The following FOCAD variants were observed in gnomAD, a reference collection of about 807,000 sequenced individuals.
FOCAD encodes focadhesin.
FOCAD carries 198 observed loss-of-function variants against 225.6 expected under a neutral mutation model. The observed-to-expected ratio is 0.88, with a 90% CI of 0.78 to 0.99. The LOEUF is 0.99. Ranked by LOEUF, FOCAD falls within the 50% of genes least tolerant of loss-of-function variation. The pLI, the probability that FOCAD is intolerant of heterozygous loss-of-function variation, is 0.00. For synonymous variants in FOCAD, 897 were observed against 755.0 expected (o/e 1.19, Z -3.08); for missense variants, 2,713 against 2,123.6 (o/e 1.28, Z -5.46).
intron 35 of FOCAD, among the ~76,000 whole-genome samples, chr9:20,971,948 T>C (rs1839801866): frequency 6.6e-6 from 1 of 152,182 alleles, no homozygotes; most frequent in African/African-American, 2.4e-5. Flanking sequence ...TAAGACTGAA[T>C]AATGTTCCAT....
intron 35 of FOCAD, among the ~76,000 whole-genome samples, chr9:20,960,812 C>T (rs943010573): frequency 2.8e-5 from 4 of 145,160 alleles, no homozygotes; most frequent in Non-Finnish European, 4.5e-5. Context: ...TCTCATTATT[C>T]AATTCCCACC....
intron 10 of FOCAD, among the ~76,000 whole-genome samples, chr9:20,788,596 G>T (rs921327648): frequency 6.6e-6 from 1 of 151,526 alleles, no homozygotes; most frequent in Non-Finnish European, 1.5e-5. Context: ...GAGATTTCCA[G>T]TCTGTCACAA....
intron 2 of FOCAD, among the ~76,000 whole-genome samples, chr9:20,676,832 T>C (rs768352346): frequency 5.9e-5 from 9 of 152,066 alleles, no homozygotes; most frequent in Non-Finnish European, 1.0e-4. Flanking sequence ...GATCTACAGA[T>C]TCAATACAAT....
chr9:20,822,965 C>G, intron 14 of FOCAD, 24 bp from the exon 15 acceptor site: 1 of 1,559,324 alleles, frequency 6.4e-7, no homozygotes, highest in Non-Finnish European at 8.6e-7. Context: ...ATTAATTTTG[C>G]TTTTAAACTT....
intron 21 of FOCAD, among the ~76,000 whole-genome samples, chr9:20,889,915 G>C (rs1044854290): frequency 1.9e-4 from 29 of 151,902 alleles, no homozygotes; most frequent in Non-Finnish European, 7.4e-5. Context: ...ATAAATCTTG[G>C]ACATATTTTG....
chr9:20,897,763 G>C (rs1437939397), intron 21 of FOCAD, among the ~76,000 whole-genome samples: 1 of 151,516 alleles, frequency 6.6e-6, no homozygotes, highest in Non-Finnish European at 1.5e-5. Flanking sequence ...TTAACAAGCT[G>C]TTATCTGTTA....
chr9:20,986,985 C>T lies in FOCAD; in HGVS notation c.4906+520C>T, dbSNP rs182884440. Reference sequence around the variant, plus strand: ...GATGCAATTTTTAGACCGTTTTAGACGTTATGCTTTAATAATTACTGAATA... The same window carrying T: ...GATGCAATTTTTAGACCGTTTTAGATGTTATGCTTTAATAATTACTGAATA... On this transcript the variant is annotated intron_variant, in intron 40 of 43. Coordinates refer to ENST00000338382, the MANE Select transcript of FOCAD (RefSeq NM_001375567.1). Among the ~76,000 whole-genome samples, 557 of 152,222 alleles carry T rather than the reference C, an allele frequency of 3.7e-3. 5 individuals carry two copies. Among genetic ancestry groups the T allele is most frequent in the African/African-American group, 0.013 (528 of 41,530 alleles).
intron 21 of FOCAD, among the ~76,000 whole-genome samples, chr9:20,900,371 G>C (rs915263627): frequency 6.6e-6 from 1 of 151,572 alleles, no homozygotes; most frequent in Non-Finnish European, 1.5e-5. Context: ...TGGCAGCTCT[G>C]TTCTAAATAA....
rs373622066 is a variant in FOCAD, at chr9:20,948,122, A to C, written c.3676-149A>C. On this transcript the variant is annotated intron_variant, in intron 30 of 43. Transcript: ENST00000338382. The stretch of plus-strand genomic sequence containing the variant: ...ATTAAAAAAAAACAAAAAACAAAAA[A>C]ACACTTAAGTCTGATTTTTCATATG... 5.3e-6 allele frequency: 4 copies of C among 749,264 alleles called. No homozygotes were observed. In the Admixed American group the frequency reaches 1.1e-4, roughly 20 times the overall value. 46.4% of individuals were successfully genotyped at this position (749,264 alleles called of 1,614,324 possible). A position where few individuals can be genotyped will look rare whatever the true frequency, so the allele number is the denominator to read the frequency against.
chr9:20,850,705 A>T (rs1316218866), intron 15 of FOCAD, among the ~76,000 whole-genome samples: 1 of 151,528 alleles, frequency 6.6e-6, no homozygotes, highest in Non-Finnish European at 1.5e-5. Context: ...TAATTGGCAC[A>T]ATTTAAATTG....
chr9:20,847,222 A>G (rs1827204462), intron 15 of FOCAD, among the ~76,000 whole-genome samples: 1 of 89,260 alleles, frequency 1.1e-5, no homozygotes, highest in African/African-American at 4.5e-5. Context: ...TGCCTTCCCA[A>G]TCCTTCATCT....
intron 11 of FOCAD, among the ~76,000 whole-genome samples, chr9:20,797,989 TAG>T (rs1450633316): frequency 5.3e-5 from 8 of 152,222 alleles, no homozygotes; most frequent in Non-Finnish European, 1.0e-4. Context: ...GGGTTTGTCA[TAG>T]ATAGCTCTTA....
chr9:20,671,582 T>G (rs377226188), intron 2 of FOCAD, among the ~76,000 whole-genome samples: 91 of 151,178 alleles, frequency 6.0e-4, no homozygotes, highest in Middle Eastern at 3.4e-3. Context: ...CATCATTCTC[T>G]CACAAGATAG....
rs1188200963 is a variant in FOCAD, at chr9:20,995,859, A to T, written c.*230A>T. On this transcript the variant is annotated 3_prime_UTR_variant, in exon 44 of 44. Coordinates refer to ENST00000338382, the MANE Select transcript of FOCAD (RefSeq NM_001375567.1). The stretch of plus-strand genomic sequence containing the variant: ...TGAAACAGGAACTTGGATTTTCTTT[A>T]TTTGGCTTGAGTTCAATGTGGAGAT... 3.3e-6 allele frequency: 1 copy of T among 305,672 alleles called. No individual in the cohort carries two copies. The highest frequency in any genetic ancestry group is 6.1e-6 in the Non-Finnish European group (1 of 164,396). The allele number at this position is 305,672 out of a possible 1,614,324, so 18.9% of individuals were successfully genotyped here. A position where few individuals can be genotyped will look rare whatever the true frequency, so the allele number is the denominator to read the frequency against.
At chr9:20,739,975 T>G (rs1216672806) in intron 4 of FOCAD, among the ~76,000 whole-genome samples, 5 of 152,150 alleles carry the variant, frequency 3.3e-5, no homozygotes, top group Non-Finnish European at 7.3e-5. Context: ...AATGTTTGTT[T>G]TTTCCTGATT....
chr9:20,977,857 T>C (rs1042504823), intron 36 of FOCAD, among the ~76,000 whole-genome samples: 1 of 152,200 alleles, frequency 6.6e-6, no homozygotes, highest in African/African-American at 2.4e-5. Flanking sequence ...AATGTTTGTG[T>C]TTCATTTAAG....
At chr9:20,748,017 C>T (rs1024696856) in intron 5 of FOCAD, among the ~76,000 whole-genome samples, 1 of 151,672 alleles carries the variant, frequency 6.6e-6, no homozygotes, top group African/African-American at 2.4e-5. Flanking sequence ...CAGCTATTAT[C>T]TTATGGTTTT....
At chr9:20,909,639 G>C (rs1431969115) in intron 22 of FOCAD, among the ~76,000 whole-genome samples, 1 of 148,666 alleles carries the variant, frequency 6.7e-6, no homozygotes, top group African/African-American at 2.6e-5. Flanking sequence ...GGTGACAAAA[G>C]AAGAGAAAGT....
At chr9:20,979,877 A>G (rs1227255742) in intron 37 of FOCAD, among the ~76,000 whole-genome samples, 1 of 152,184 alleles carries the variant, frequency 6.6e-6, no homozygotes, top group Non-Finnish European at 1.5e-5. Flanking sequence ...GACAGTTTTA[A>G]AAGTAGCTTT....
Sources: allele counts gnomAD v4.1 joint callset (sites outside exome capture counted in the v4.1 genomes callset), GRCh38; gene constraint gnomAD v4.1.1; transcripts MANE v1.5; gene names NCBI Gene and HGNC (gene_info 2026-07-23, HGNC 2026-07-21).